CD34: variants seen among roughly 807,000 people sequenced by gnomAD.
The protein encoded by CD34 is CD34 molecule.
Under a neutral mutation model 40.1 loss-of-function variants are expected in CD34, and 34 were observed. That is an observed-to-expected ratio of 0.85 (90% CI 0.65 to 1.13). The LOEUF (loss-of-function observed/expected upper bound fraction) is 1.13, where lower values mean the gene tolerates loss of function less well. CD34 is among the 50% of genes most tolerant of loss of function. The pLI, the probability that CD34 is intolerant of heterozygous loss-of-function variation, is 0.00. For missense variants in CD34, 426 were observed against 466.9 expected (o/e 0.91, Z 0.81); for synonymous variants, 209 against 190.0 (o/e 1.10, Z -0.82).
At position 207,887,434 on chromosome 1, in the gene CD34, G is replaced by C. The variant is rs41274810; in HGVS notation, c.*304C>G. On this transcript the variant is annotated 3_prime_UTR_variant, in exon 8 of 8. Transcript: ENST00000310833. Reference sequence around the variant, plus strand: ...AGAGAGGAGGGGGTAGGGGAAGGGGGTCCTGTGTGAGTGCTGCAAGGCCAT... The same window carrying C: ...AGAGAGGAGGGGGTAGGGGAAGGGGCTCCTGTGTGAGTGCTGCAAGGCCAT... 1,907 of 326,048 alleles carry C rather than the reference G, an allele frequency of 5.8e-3. 5 individuals are homozygous for C. The highest frequency in any genetic ancestry group is 9.1e-3 in the Non-Finnish European group (1,620 of 178,056). The allele number at this position is 326,048 out of a possible 1,614,324, so 20.2% of individuals were successfully genotyped here.
intron 1 of CD34, among the ~76,000 whole-genome samples, chr1:207,906,834 A>C (rs1020590523): frequency 8.8e-5 from 13 of 147,980 alleles, no homozygotes; most frequent in Non-Finnish European, 1.6e-4. Flanking sequence ...ACAAGAGAGA[A>C]ACTTCTTCTC....
intron 4 of CD34, among the ~76,000 whole-genome samples, chr1:207,893,876 C>T (rs1428311467): frequency 3.3e-5 from 5 of 152,090 alleles, no homozygotes; most frequent in Admixed American, 6.6e-5. Context: ...GAAATACCAC[C>T]GCATACCCAT....
intron 7 of CD34, chr1:207,888,228 G>C (rs1661950601): frequency 8.8e-7 from 1 of 1,142,768 alleles, no homozygotes; most frequent in Non-Finnish European, 1.3e-6. Flanking sequence ...ACCTCCCCAG[G>C]GTAGGGGACA....
rs1188194202 is a variant in CD34 at position 207,889,532 on chromosome 1, G to A, written c.687C>T (p.Cys229=). The A allele has an allele frequency of 1.2e-6, 2 of 1,614,024 alleles. No homozygotes were observed. The highest frequency in any genetic ancestry group is 1.7e-6 in the Non-Finnish European group (2 of 1,180,036). ...QADADAGAQV[C]SLLLAQSEVR... ...CCTCAGACTGGGCAAGGAGCAGGGA[G>A]CATACCTGGGCCCCAGCATCAGCAT... The change falls in exon 5 of 8, where the codon TGC becomes TGT. Residue 229 remains cysteine, a synonymous_variant. Transcript: ENST00000310833.
Position 207,884,431 on chromosome 1 carries a change from T to TA in CD34, c.*3306dup, listed in dbSNP as rs1206651289. 6.6e-6 allele frequency: 1 copy of TA among 152,220 alleles called. No individual in the cohort carries two copies. Among genetic ancestry groups the TA allele is most frequent in the Non-Finnish European group, 1.5e-5 (1 of 68,036 alleles). 9.4% of individuals were successfully genotyped at this position (152,220 alleles called of 1,614,324 possible). On this transcript the variant is annotated 3_prime_UTR_variant, in exon 8 of 8. Transcript: ENST00000310833. ...AGTCTCAAGAACAGTGTCTGGCACA[T>TA]AACAGATGTTCTGGCACATTTCGCG...
Position 207,888,823 on chromosome 1 carries a change from C to T in CD34, c.831G>A (p.Glu277=), listed in dbSNP as rs1041330794. The T allele has an allele frequency of 1.2e-6, 2 of 1,614,056 alleles. No individual in the cohort carries two copies. The highest frequency in any genetic ancestry group is 1.3e-5 in the African/African-American group (1 of 74,928). ...AGCTCTGGTGGCTTGCAACATCTTG[C>T]TCAGTGAAATCTAGGATCCCCAGCT... The part of the protein sequence containing the change: ...LKKLGILDFT[E]QDVASHQSYS... Residue 277 remains glutamate, a synonymous_variant, in exon 7 of 8, where the codon GAG becomes GAA. Coordinates refer to ENST00000310833, the MANE Select transcript of CD34 (RefSeq NM_001025109.2).
intron 1 of CD34, among the ~76,000 whole-genome samples, chr1:207,906,293 A>G (rs1662379855): frequency 6.6e-6 from 1 of 152,220 alleles, no homozygotes; most frequent in African/African-American, 2.4e-5. Context: ...TGATGTAGCT[A>G]TTTATAAGAA....
intron 4 of CD34, among the ~76,000 whole-genome samples, chr1:207,895,943 T>C (rs991193187): frequency 6.6e-6 from 1 of 152,242 alleles, no homozygotes; most frequent in African/African-American, 2.4e-5. Context: ...GTTAACTATT[T>C]TGCAGACTGC....
Position 207,888,220 on chromosome 1 carries a change from C to G in CD34, c.973-297G>C, listed in dbSNP as rs1162548833. Reference sequence around the variant, plus strand: ...GCAGTTCCAAGAAGGGTGGGATGACCTCCCCAGGGTAGGGGACAGGCCAGA... The same window carrying G: ...GCAGTTCCAAGAAGGGTGGGATGACGTCCCCAGGGTAGGGGACAGGCCAGA... On this transcript the variant is annotated intron_variant, in intron 7 of 7. Coordinates refer to ENST00000310833, the MANE Select transcript of CD34 (RefSeq NM_001025109.2). 4.8e-6 allele frequency: 6 copies of G among 1,243,506 alleles called. No individual in the cohort carries two copies. The African/African-American group carries it at 5.9e-5, about 12-fold the overall frequency. The allele number at this position is 1,243,506 out of a possible 1,614,324, so 77.0% of individuals were successfully genotyped here. A position where few individuals can be genotyped will look rare whatever the true frequency, so the allele number is the denominator to read the frequency against.
chr1:207,889,871 T>G, intron 4 of CD34: 3 of 1,554,794 alleles, frequency 1.9e-6, no homozygotes, highest in Non-Finnish European at 2.6e-6. Flanking sequence ...GAGAACAAAC[T>G]TAAAAAAATT....
intron 1 of CD34, among the ~76,000 whole-genome samples, chr1:207,905,172 G>T (rs1001121597): frequency 6.6e-6 from 1 of 152,180 alleles, no homozygotes; most frequent in African/African-American, 2.4e-5. Context: ...GTCTCACTCT[G>T]TTGCCCAGGC....
At position 207,887,587 on chromosome 1, in the gene CD34, G is replaced by T; in HGVS notation, c.*151C>A. ...AGGAGTTTACCTGCCCCTCCTCAAG[G>T]TGTAGGGCCCCAAGAACAGCCTCTG... On this transcript the variant is annotated 3_prime_UTR_variant, in exon 8 of 8. Coordinates refer to ENST00000310833, the MANE Select transcript of CD34 (RefSeq NM_001025109.2). 1 of 1,095,508 alleles carries T rather than the reference G, an allele frequency of 9.1e-7. No individual in the cohort carries two copies. Among genetic ancestry groups the T allele is most frequent in the Non-Finnish European group, 1.3e-6 (1 of 774,016 alleles). 67.9% of individuals were successfully genotyped at this position (1,095,508 alleles called of 1,614,324 possible). A position where few individuals can be genotyped will look rare whatever the true frequency, so the allele number is the denominator to read the frequency against.
chr1:207,888,193 G>A (rs974085514), intron 7 of CD34: 22 of 1,542,458 alleles, frequency 1.4e-5, no homozygotes, highest in Admixed American at 3.3e-5. Flanking sequence ...GCAGGAAAAC[G>A]GGCAGTTCCA....
At position 207,897,570 on chromosome 1, in the gene CD34, C is replaced by T. The variant is rs1433513193; in HGVS notation, c.520G>A (p.Glu174Lys). ...SSPILSDIKAEIKCSGIREVK... is the reference protein window; with the variant it reads ...SSPILSDIKAKIKCSGIREVK... The stretch of plus-strand genomic sequence containing the variant: ...TCTCTGATGCCTGAACATTTGATTT[C>T]TGCCTGTATTAAAACAAAAACAATA... Residue 174 changes from glutamate to lysine, a missense_variant, in exon 4 of 8, where the codon GAA becomes AAA. Coordinates refer to ENST00000310833, the MANE Select transcript of CD34 (RefSeq NM_001025109.2). The T allele has an allele frequency of 6.4e-7, 1 of 1,552,212 alleles. No individual in the cohort carries two copies. The highest frequency in any genetic ancestry group is 1.2e-5 in the South Asian group (1 of 84,192).
chr1:207,900,343 A>G (rs1662248986), intron 1 of CD34, among the ~76,000 whole-genome samples: 1 of 152,212 alleles, frequency 6.6e-6, no homozygotes, highest in Admixed American at 6.5e-5. Flanking sequence ...AACATTAGAA[A>G]GAAAAAAATT....
At chr1:207,897,687 G>T in intron 3 of CD34, 114 bp from the exon 4 acceptor site, 1 of 770,380 alleles carries the variant, frequency 1.3e-6, no homozygotes, top group East Asian at 2.7e-5. Flanking sequence ...CTCTTAGGAG[G>T]TTTTAAGGAA....
intron 1 of CD34, among the ~76,000 whole-genome samples, chr1:207,908,006 G>C (rs1662419537): frequency 6.6e-6 from 1 of 152,168 alleles, no homozygotes; most frequent in Admixed American, 6.5e-5. Flanking sequence ...GAGTGGAGTT[G>C]GGTAACCATC....
chr1:207,908,366 C>G (rs1157863304), intron 1 of CD34, among the ~76,000 whole-genome samples: 2 of 152,262 alleles, frequency 1.3e-5, no homozygotes, highest in African/African-American at 4.8e-5. Context: ...AAGTGCGGAG[C>G]ACTGGGGACC....
Position 207,887,807 on chromosome 1 carries a change from C to G in CD34, c.1089G>C (p.Gly363=). The change falls in exon 8 of 8, where the codon GGG becomes GGC. Residue 363 remains glycine, a synonymous_variant. Transcript: ENST00000310833. ...CGTTTCTGGAGGTGGCCTGGCCGGT[C>G]CCGTTTTCCTGAGCCCCTCGGTTCA... is the stretch of plus-strand genomic sequence containing the variant. ...ASVNRGAQEN[G]TGQATSRNGH... The G allele has an allele frequency of 6.2e-7, 1 of 1,614,196 alleles. No individual in the cohort carries two copies.
Sources: allele counts gnomAD v4.1 joint callset (sites outside exome capture counted in the v4.1 genomes callset), GRCh38; gene constraint gnomAD v4.1.1; transcripts MANE v1.5; gene names NCBI Gene and HGNC (gene_info 2026-07-23, HGNC 2026-07-21).